SLC38A1: variants seen among roughly 807,000 people sequenced by gnomAD.
SLC38A1 encodes the protein sodium-coupled neutral amino acid symporter 1.
In SLC38A1, 18 loss-of-function variants were observed where a neutral mutation model predicts 60.3. The ratio of observed to expected loss-of-function variants is 0.30; its 90% CI spans 0.21 to 0.44. The LOEUF (loss-of-function observed/expected upper bound fraction) is 0.44. Among genes scored for constraint, SLC38A1 ranks in the 20% least tolerant of loss-of-function variants. SLC38A1 has a pLI of 1.00. For missense variants in SLC38A1, 448 were observed against 587.2 expected, an observed-to-expected ratio of 0.76 and a Z score of 2.45; for synonymous variants, 196 against 212.1, an observed-to-expected ratio of 0.92 and a Z score of 0.66.
chr12:46,183,197 G>A lies in SLC38A1; in HGVS notation c.*5773C>T, dbSNP rs1938825890. The stretch of plus-strand genomic sequence containing the variant: ...AGTTCTATTTGATTAACTATGAATA[G>A]CAAAGTTTTGTGACTTGTGACTCAC... On this transcript the variant is annotated 3_prime_UTR_variant, in exon 17 of 17. Transcript: ENST00000398637. 6.6e-6 allele frequency: 1 copy of A among 151,616 alleles called. No individual in the cohort carries two copies. The highest frequency in any genetic ancestry group is 1.5e-5 in the Non-Finnish European group (1 of 67,920). 9.4% of individuals were successfully genotyped at this position (151,616 alleles called of 1,614,324 possible).
intron 1 of SLC38A1, chr12:46,255,019 A>T (rs1262632681): frequency 3.3e-5 from 5 of 152,228 alleles, no homozygotes; most frequent in Non-Finnish European, 7.4e-5. Context: ...CGGTTAATTT[A>T]GTTAACCCCT....
At chr12:46,225,538 G>T (rs1389651250) in intron 5 of SLC38A1, among the ~76,000 whole-genome samples, 1 of 152,122 alleles carries the variant, frequency 6.6e-6, no homozygotes, top group African/African-American at 2.4e-5. Context: ...TGGCGGTGAG[G>T]TCTAGGCCCC....
intron 1 of SLC38A1, among the ~76,000 whole-genome samples, chr12:46,266,772 A>AT (rs1440208850): frequency 7.2e-5 from 11 of 152,118 alleles, no homozygotes; most frequent in Admixed American, 1.3e-4. Context: ...TATTGGCCAC[A>AT]TTTTTTTAAA....
At chr12:46,190,419 A>G (rs1018550394) in intron 16 of SLC38A1, among the ~76,000 whole-genome samples, 19 of 152,234 alleles carry the variant, frequency 1.2e-4, no homozygotes, top group African/African-American at 2.4e-4. Context: ...TCTTTATAGT[A>G]GCATGATTTA....
At chr12:46,212,216 C>T (rs1340974848) in intron 5 of SLC38A1, among the ~76,000 whole-genome samples, 1 of 152,150 alleles carries the variant, frequency 6.6e-6, no homozygotes, top group Non-Finnish European at 1.5e-5. Context: ...CATGATTATG[C>T]CCCTAATTGT....
In SLC38A1 at chr12:46,232,641, T is replaced by A. The variant is rs567738457; in HGVS notation, c.123-3002A>T. ...TTTCCAAAATGAAATTGAGTCAAAA[T>A]ATTTAAGTGTTGTTGTCAAAAGACT... is the stretch of plus-strand genomic sequence containing the variant. On this transcript the variant is annotated intron_variant, in intron 3 of 16. Transcript: ENST00000398637. Among the ~76,000 whole-genome samples the A allele has an allele frequency of 4.6e-5, 7 of 152,318 alleles. No homozygotes were observed. In the South Asian group the frequency reaches 1.4e-3, roughly 32 times the overall value.
At chr12:46,221,773 T>C (rs963239480) in intron 5 of SLC38A1, among the ~76,000 whole-genome samples, 14 of 152,308 alleles carry the variant, frequency 9.2e-5, no homozygotes, top group East Asian at 1.9e-4. Flanking sequence ...GAAGGTAAAA[T>C]GTATGCTTAA....
In SLC38A1 at chr12:46,184,762, T is replaced by C. The variant is rs926114169; in HGVS notation, c.*4208A>G. 3 of 152,188 alleles carry C rather than the reference T, an allele frequency of 2.0e-5. No individual in the cohort carries two copies. The highest frequency in any genetic ancestry group is 4.4e-5 in the Non-Finnish European group (3 of 68,040). The allele number at this position is 152,188 out of a possible 1,614,324, so 9.4% of individuals were successfully genotyped here. A position where few individuals can be genotyped will look rare whatever the true frequency, so the allele number is the denominator to read the frequency against. On this transcript the variant is annotated 3_prime_UTR_variant, in exon 17 of 17. Coordinates refer to ENST00000398637, the MANE Select transcript of SLC38A1 (RefSeq NM_030674.4). ...ATTCAGTATTTCTTCTAAGTCTGCATTTACAAAGGGTCTTTTATTTTAATT... is the reference window on the plus strand; with the variant it reads ...ATTCAGTATTTCTTCTAAGTCTGCACTTACAAAGGGTCTTTTATTTTAATT...
chr12:46,191,193 C>T (rs188509527), intron 16 of SLC38A1, among the ~76,000 whole-genome samples: 15 of 152,260 alleles, frequency 9.9e-5, no homozygotes, highest in Non-Finnish European at 1.3e-4. Flanking sequence ...ATAGGGAATC[C>T]TTTCCCCATT....
At chr12:46,215,561 C>A (rs562724487) in intron 5 of SLC38A1, among the ~76,000 whole-genome samples, 4 of 152,250 alleles carry the variant, frequency 2.6e-5, no homozygotes, top group Admixed American at 2.6e-4. Context: ...GTGCATGCCA[C>A]CACACCCAGC....
intron 13 of SLC38A1, among the ~76,000 whole-genome samples, chr12:46,200,889 T>A (rs1939625066): frequency 6.6e-6 from 1 of 152,168 alleles, no homozygotes; most frequent in South Asian, 2.1e-4. Context: ...GAGAAAAAAA[T>A]TATAAATATT....
intron 1 of SLC38A1, among the ~76,000 whole-genome samples, chr12:46,266,631 A>T (rs1454963231): frequency 6.6e-6 from 1 of 151,942 alleles, no homozygotes; most frequent in Non-Finnish European, 1.5e-5. Flanking sequence ...TCATTGCACT[A>T]AGAATACCTG....
At chr12:46,215,434 CAG>C (rs1447531592) in intron 5 of SLC38A1, among the ~76,000 whole-genome samples, 1 of 151,926 alleles carries the variant, frequency 6.6e-6, no homozygotes, top group Non-Finnish European at 1.5e-5. Flanking sequence ...TTTCTTGAGA[CAG>C]AGTCTTGCTC....
At chr12:46,262,972 C>T (rs1268284821) in intron 1 of SLC38A1, among the ~76,000 whole-genome samples, 2 of 152,152 alleles carry the variant, frequency 1.3e-5, no homozygotes, top group Non-Finnish European at 2.9e-5. Flanking sequence ...TGATTCTATA[C>T]ACTATTTCTT....
At position 46,187,064 on chromosome 12, in the gene SLC38A1, A is replaced by C. The variant is rs924014789; in HGVS notation, c.*1906T>G. 2.0e-5 allele frequency: 3 copies of C among 152,200 alleles called. No individual in the cohort carries two copies. The highest frequency in any genetic ancestry group is 4.8e-5 in the African/African-American group (2 of 41,448). The allele number at this position is 152,200 out of a possible 1,614,324, so 9.4% of individuals were successfully genotyped here. ...ATGGCTAGGTTAGGTATTCATATCC[A>C]AATATCTGAACTCTAACCTAATGTG... On this transcript the variant is annotated 3_prime_UTR_variant, in exon 17 of 17. Transcript: ENST00000398637.
chr12:46,223,910 A>G (rs1486210971), intron 5 of SLC38A1, among the ~76,000 whole-genome samples: 1 of 152,240 alleles, frequency 6.6e-6, no homozygotes, highest in Non-Finnish European at 1.5e-5. Flanking sequence ...TGTAATAAAC[A>G]TCATACTTAC....
intron 1 of SLC38A1, among the ~76,000 whole-genome samples, chr12:46,251,648 C>A (rs1941843899): frequency 6.6e-6 from 1 of 152,068 alleles, no homozygotes; most frequent in Non-Finnish European, 1.5e-5. Context: ...AAGAAAAAAA[C>A]AAACAACCCC....
chr12:46,207,568 A>G lies in SLC38A1; in HGVS notation c.442T>C (p.Phe148Leu). 1 of 1,614,016 alleles carries G rather than the reference A, an allele frequency of 6.2e-7. No homozygotes were observed. The highest frequency in any genetic ancestry group is 1.3e-5 in the African/African-American group (1 of 75,030). The change falls in exon 7 of 17, where the codon TTC (phenylalanine) becomes CTC (leucine). Residue 148 changes from phenylalanine (F) to leucine (L), a missense_variant. Physicochemically the swap from Phe to Leu is conservative, Grantham distance 22. Coordinates refer to ENST00000398637, the MANE Select transcript of SLC38A1 (RefSeq NM_030674.4). ...GEQVFGTTGKFVIFGATSLQN... is the reference protein window; with the variant it reads ...GEQVFGTTGKLVIFGATSLQN... ...AGAGAGGTGGCTCCAAAGATTACGA[A>G]CTTCCCTGTGGTGCCAAAGACTTGT...
At chr12:46,209,249 T>C (rs548592989) in intron 5 of SLC38A1, 122 bp from the exon 6 acceptor site, 4 of 597,810 alleles carry the variant, frequency 6.7e-6, no homozygotes, top group Non-Finnish European at 1.1e-5. Flanking sequence ...TATCCAAATT[T>C]TGGAACCTAT....
Sources: gnomAD v4.1 joint callset for allele counts (sites outside exome capture counted in the v4.1 genomes callset) on GRCh38, gnomAD v4.1.1 for gene constraint, MANE v1.5 for transcripts, NCBI Gene and HGNC (gene_info 2026-07-23, HGNC 2026-07-21) for gene names.